PPP2R2C: variants seen among roughly 807,000 people sequenced by gnomAD.
The protein encoded by PPP2R2C is protein phosphatase 2 regulatory subunit Bgamma, also known as protein phosphatase 2, regulatory subunit B, gamma.
In PPP2R2C, 10 loss-of-function variants were observed where a neutral mutation model predicts 45.3. The observed-to-expected ratio is 0.22, with a 90% CI of 0.14 to 0.37. PPP2R2C has a LOEUF of 0.37. Among genes scored for constraint, PPP2R2C ranks in the 10% least tolerant of loss-of-function variants. The pLI is 1.00. For missense variants in PPP2R2C, 308 were observed against 619.7 expected, an observed-to-expected ratio of 0.50 and a Z score of 5.34; for synonymous variants, 257 against 245.4, an observed-to-expected ratio of 1.05 and a Z score of -0.44.
At chr4:6,441,497 C>T (rs1720152952) in intron 1 of PPP2R2C, among the ~76,000 whole-genome samples, 1 of 152,166 alleles carries the variant, frequency 6.6e-6, no homozygotes, top group Non-Finnish European at 1.5e-5. Flanking sequence ...TGCCACCAGT[C>T]CCCACACACG....
intron 2 of PPP2R2C, among the ~76,000 whole-genome samples, chr4:6,523,232 G>C (rs1041577277): frequency 1.2e-4 from 18 of 152,146 alleles, no homozygotes; most frequent in African/African-American, 4.1e-4. Flanking sequence ...GCCTTCCCTA[G>C]CCCCAACCAC....
chr4:6,518,189 A>G (rs1723886083), intron 2 of PPP2R2C, among the ~76,000 whole-genome samples: 2 of 152,242 alleles, frequency 1.3e-5, no homozygotes, highest in South Asian at 4.1e-4. Context: ...TTGAATGTAC[A>G]TATTAGAAAA....
At chr4:6,457,953 C>G (rs532079780) in intron 1 of PPP2R2C, among the ~76,000 whole-genome samples, 46 of 152,284 alleles carry the variant, frequency 3.0e-4, no homozygotes, top group Admixed American at 1.2e-3. Context: ...ACGTTTTTCC[C>G]AGCCTCGCTT....
intron 2 of PPP2R2C, among the ~76,000 whole-genome samples, chr4:6,505,613 CAT>C (rs1723200279): frequency 6.6e-6 from 1 of 152,154 alleles, no homozygotes; most frequent in South Asian, 2.1e-4. Context: ...CCATTAAAAA[CAT>C]AATGCAGAGA....
intron 1 of PPP2R2C, among the ~76,000 whole-genome samples, chr4:6,391,547 G>C (rs987972699): frequency 2.0e-5 from 3 of 152,204 alleles, no homozygotes; most frequent in African/African-American, 7.2e-5. Context: ...TTTAAACTGG[G>C]CACAGTATTG....
chr4:6,397,919 G>T (rs1717154596), intron 1 of PPP2R2C, among the ~76,000 whole-genome samples: 1 of 152,248 alleles, frequency 6.6e-6, no homozygotes, highest in Non-Finnish European at 1.5e-5. Flanking sequence ...CAGTGATACA[G>T]ACAGTGTGGT....
chr4:6,507,322 T>G (rs1298387913), intron 2 of PPP2R2C, among the ~76,000 whole-genome samples: 2 of 152,214 alleles, frequency 1.3e-5, no homozygotes, highest in African/African-American at 4.8e-5. Flanking sequence ...TCTGACTACA[T>G]GCAACATTGG....
rs141207170 is a variant in PPP2R2C at position 6,446,064 on chromosome 4, C to T, written c.70+26096G>A. Among the ~76,000 whole-genome samples, 508 of 152,308 alleles carry T rather than the reference C, an allele frequency of 3.3e-3. 1 individual carries two copies. The highest frequency in any genetic ancestry group is 0.012 in the African/African-American group (481 of 41,560). On this transcript the variant is annotated intron_variant, in intron 1 of 8. Coordinates refer to ENST00000382599, the MANE Select transcript of PPP2R2C (RefSeq NM_020416.4). ...GGCTGAGTGACTCCAGTCACTTTAC[C>T]TAATCCCTCTGTGCCTCAGTTTCCT...
chr4:6,380,934 C>G (rs191846640), intron 2 of PPP2R2C, 63 bp downstream of exon 2: 2 of 1,454,834 alleles, frequency 1.4e-6, no homozygotes, highest in South Asian at 2.9e-5. Flanking sequence ...CCCACCATGC[C>G]CGCCTCCCAC....
chr4:6,348,236 T>C (rs1289416531), intron 5 of PPP2R2C, among the ~76,000 whole-genome samples: 1 of 151,824 alleles, frequency 6.6e-6, no homozygotes, highest in Non-Finnish European at 1.5e-5. Context: ...CCCATGAAGC[T>C]GGACCCACCA....
chr4:6,532,427 C>A (rs1724434953), intron 2 of PPP2R2C, among the ~76,000 whole-genome samples: 1 of 152,234 alleles, frequency 6.6e-6, no homozygotes, highest in Non-Finnish European at 1.5e-5. Context: ...CAGACTGGGG[C>A]ACCCCCAATC....
chr4:6,485,817 C>G lies in PPP2R2C; in HGVS notation c.49+49454G>C, dbSNP rs533469710. ...TTTTACTGATAAAAATCTTAGATAA[C>G]TTTTTAACCAATAAATAACCAACTT... On this transcript the variant is annotated intron_variant, in intron 2 of 9. Transcript: ENST00000506140. Among the ~76,000 whole-genome samples the G allele has an allele frequency of 7.0e-4, 107 of 152,048 alleles. 1 individual carries two copies. The highest frequency in any genetic ancestry group is 2.6e-3 in the African/African-American group (107 of 41,538).
intron 1 of PPP2R2C, among the ~76,000 whole-genome samples, chr4:6,399,063 C>G (rs1717243183): frequency 6.6e-6 from 1 of 152,176 alleles, no homozygotes; most frequent in Admixed American, 6.5e-5. Flanking sequence ...TGACCAAAGG[C>G]AAATCACTGG....
chr4:6,539,782 C>T (rs1003655694), intron 1 of PPP2R2C, among the ~76,000 whole-genome samples: 1 of 152,190 alleles, frequency 6.6e-6, no homozygotes, highest in Non-Finnish European at 1.5e-5. Flanking sequence ...CTCAGCCTCA[C>T]CACAACCTTG....
At chr4:6,418,371 G>C (rs1039590471) in intron 1 of PPP2R2C, among the ~76,000 whole-genome samples, 6 of 152,150 alleles carry the variant, frequency 3.9e-5, no homozygotes, top group African/African-American at 1.4e-4. Context: ...GCCCAGCAAG[G>C]TTAAGACACT....
rs138962466 is a variant in PPP2R2C at position 6,391,359 on chromosome 4, C to T, written c.71-10265G>A. Among the ~76,000 whole-genome samples the T allele has an allele frequency of 1.7e-3, 252 of 152,262 alleles. 3 individuals are homozygous for T. Among genetic ancestry groups the T allele is most frequent in the African/African-American group, 5.8e-3 (239 of 41,542 alleles). Reference sequence around the variant, plus strand: ...AAGCAGATGAGGGAGGAGGCTGGGACGAGCCATGGCAGGCGCTGTGCAGGG... The same window carrying T: ...AAGCAGATGAGGGAGGAGGCTGGGATGAGCCATGGCAGGCGCTGTGCAGGG... On this transcript the variant is annotated intron_variant, in intron 1 of 8. Transcript: ENST00000382599.
In PPP2R2C at chr4:6,376,381, A is replaced by C. The variant is rs1019071367; in HGVS notation, c.335-450T>G. Among the ~76,000 whole-genome samples, 6 of 152,070 alleles carry C rather than the reference A, an allele frequency of 3.9e-5. No individual in the cohort carries two copies. The South Asian group carries it at 1.2e-3, about 32-fold the overall frequency. On this transcript the variant is annotated intron_variant, in intron 3 of 8. Transcript: ENST00000382599. ...ATTCAAACCCAGGTGGGAAGCTTTG[A>C]GGGGAGCGGAGTGTAGGGAGTGCTG...
At chr4:6,487,352 T>C (rs1248558916) in intron 2 of PPP2R2C, among the ~76,000 whole-genome samples, 1 of 151,806 alleles carries the variant, frequency 6.6e-6, no homozygotes, top group African/African-American at 2.4e-5. Context: ...TCACTTTCAT[T>C]CTGTTTGAAG....
chr4:6,559,409 ACACACAC>A lies in PPP2R2C; in HGVS notation c.-59+4144_-59+4150del, dbSNP rs1560622884. Among the ~76,000 whole-genome samples the A allele has an allele frequency of 9.5e-3, 1,437 of 150,650 alleles. 21 individuals carry two copies. Among genetic ancestry groups the A allele is most frequent in the African/African-American group, 0.033 (1,383 of 41,438 alleles). ...AAAAATACACAGCACACACACACAC[ACACACAC>A]ACACACACACACACAGAACAGAGGC... On this transcript the variant is annotated intron_variant, in intron 1 of 9. Transcript: ENST00000506140.
Sources: gnomAD v4.1 joint callset for allele counts (sites outside exome capture counted in the v4.1 genomes callset) on GRCh38, gnomAD v4.1.1 for gene constraint, MANE v1.5 for transcripts, NCBI Gene and HGNC (gene_info 2026-07-23, HGNC 2026-07-21) for gene names.